Variants in GRIP2 observed in about 807,000 individuals in gnomAD.
The protein encoded by GRIP2 is glutamate receptor-interacting protein 2.
GRIP2 carries 58 observed loss-of-function variants against 108.3 expected under a neutral mutation model. That is an observed-to-expected ratio of 0.54 (90% CI 0.43 to 0.67). The LOEUF is 0.67. Among genes scored for constraint, GRIP2 ranks in the 30% least tolerant of loss-of-function variants. The probability of loss-of-function intolerance (pLI) is 0.00; values close to 1 mark genes in which losing one functional copy is unlikely to be tolerated. For synonymous variants in GRIP2, 586 were observed against 598.2 expected, an observed-to-expected ratio of 0.98 and a Z score of 0.30; for missense variants, 1,278 against 1,430.6, an observed-to-expected ratio of 0.89 and a Z score of 1.72.
intron 3 of GRIP2, 145 bp from the exon 4 acceptor site, chr3:14,524,683 A>C (rs1694506586): frequency 2.2e-6 from 2 of 925,772 alleles, no homozygotes; most frequent in Non-Finnish European, 3.2e-6. Flanking sequence ...GAGGTCAGAC[A>C]GTTGTCCAGG....
chr3:14,524,529 C>T lies in GRIP2; in HGVS notation c.267G>A (p.Leu89=), dbSNP rs754676350. ...ACCGAATATAGTCACCAATGTTCAG[C>T]AGATCACTCCTAGAGCAGGAAGGCC... ...RPGGLAARSD[L]LNIGDYIRSV... Residue 89 remains leucine (L), a synonymous_variant, in exon 4 of 24, where the codon CTG becomes CTA. Coordinates refer to ENST00000621039, the MANE Select transcript of GRIP2 (RefSeq NM_001080423.4). The T allele has an allele frequency of 6.4e-7, 1 of 1,552,758 alleles. No individual in the cohort carries two copies. The highest frequency in any genetic ancestry group is 1.2e-5 in the South Asian group (1 of 84,094).
the GRIP2 span, among the ~76,000 whole-genome samples, chr3:14,597,198 A>C: frequency 6.6e-6 from 1 of 152,218 alleles, no homozygotes; most frequent in Non-Finnish European, 1.5e-5. Flanking sequence ...GGAGCATAAT[A>C]AGCAATGTGT....
chr3:14,506,022 T>G (rs544001677), intron 19 of GRIP2, among the ~76,000 whole-genome samples: 69 of 152,308 alleles, frequency 4.5e-4, no homozygotes, highest in African/African-American at 1.6e-3. Context: ...GGCCTGGGCT[T>G]GGCCATCACC....
At chr3:14,584,865 G>T in the GRIP2 span, among the ~76,000 whole-genome samples, 3 of 152,206 alleles carry the variant, frequency 2.0e-5, no homozygotes, top group African/African-American at 7.2e-5. Flanking sequence ...CGCTGCCTCT[G>T]CCTCCCTACA....
chr3:14,554,379 C>T (rs1376336970), intron 1 of GRIP2, among the ~76,000 whole-genome samples: 1 of 152,192 alleles, frequency 6.6e-6, no homozygotes, highest in East Asian at 1.9e-4. Context: ...TTCATCTGTC[C>T]CTCCAGCCTG....
At position 14,511,265 on chromosome 3, in the gene GRIP2, A is replaced by G. The variant is rs371871359; in HGVS notation, c.1833T>C (p.Asn611=). ...CCATGGGGCAGTTGTCCAGGCGGAT[A>G]TTGTCAATGGCCAGTAGCTTGTCGC... is the stretch of plus-strand genomic sequence containing the variant. The part of the protein sequence containing the change: ...EPGDKLLAID[N]IRLDNCPMED... The change falls in exon 16 of 24, where the codon AAT becomes AAC. Residue 611 remains asparagine, a synonymous_variant. Coordinates refer to ENST00000621039, the MANE Select transcript of GRIP2 (RefSeq NM_001080423.4). This position sits in a 1 kb window ranked among gnomAD's most constrained non-coding sequence, Gnocchi z 4.1. 1.2e-6 allele frequency: 2 copies of G among 1,613,888 alleles called. No homozygotes were observed. Among genetic ancestry groups the G allele is most frequent in the Admixed American group, 1.7e-5 (1 of 60,020 alleles).
the GRIP2 span, chr3:14,574,126 C>T: frequency 8.9e-6 from 9 of 1,008,914 alleles, no homozygotes; most frequent in African/African-American, 7.9e-5. Context: ...TGTGAGAAGT[C>T]CACGGGCACG....
chr3:14,520,417 C>T lies in GRIP2; in HGVS notation c.833G>A (p.Arg278His), dbSNP rs745456325. ...GTCCACCACGCTGGCTGGCTTGATG[C>T]GGTCGATGGTAATGACTGACTTGTT... ...LRNKSVITIDRIKPASVVDRS... is the reference protein window; with the variant it reads ...LRNKSVITIDHIKPASVVDRS... The change falls in exon 8 of 24, where the codon CGC (arginine) becomes CAC (histidine). Residue 278 changes from arginine (R) to histidine (H), a missense_variant. Physicochemically the swap from Arg to His is conservative, Grantham distance 29. Coordinates refer to ENST00000621039, the MANE Select transcript of GRIP2 (RefSeq NM_001080423.4). The T allele has an allele frequency of 7.4e-6, 12 of 1,612,612 alleles. No homozygotes were observed. Among genetic ancestry groups the T allele is most frequent in the South Asian group, 1.1e-5 (1 of 90,748 alleles).
the GRIP2 span, among the ~76,000 whole-genome samples, chr3:14,585,313 G>A: frequency 3.9e-5 from 6 of 152,324 alleles, no homozygotes; most frequent in East Asian, 3.9e-4. Context: ...GAGCCACCAC[G>A]CCTGGCCATA....
chr3:14,555,088 C>T (rs535344795), intron 1 of GRIP2, among the ~76,000 whole-genome samples: 11 of 152,270 alleles, frequency 7.2e-5, no homozygotes, highest in African/African-American at 2.4e-4. Flanking sequence ...TCCCCACCCC[C>T]ACTCCAATCT....
At position 14,511,707 on chromosome 3, in the gene GRIP2, G is replaced by C. The variant is rs1340053606; in HGVS notation, c.1721-228C>G. On this transcript the variant is annotated intron_variant, in intron 14 of 23. Coordinates refer to ENST00000621039, the MANE Select transcript of GRIP2 (RefSeq NM_001080423.4). The surrounding 1 kb of genome is among the most constrained non-coding windows in gnomAD (Gnocchi z 4.1). ...CAGACCTCATGGGGATGTGGTGAGA[G>C]TAAACCAGATAACACAGGCACAAGA... is the stretch of plus-strand genomic sequence containing the variant. Among the ~76,000 whole-genome samples, 1 of 152,232 alleles carries C rather than the reference G, an allele frequency of 6.6e-6. No individual in the cohort carries two copies. Among genetic ancestry groups the C allele is most frequent in the African/African-American group, 2.4e-5 (1 of 41,462 alleles).
At chr3:14,588,031 C>G in the GRIP2 span, among the ~76,000 whole-genome samples, 1 of 152,190 alleles carries the variant, frequency 6.6e-6, no homozygotes, top group Non-Finnish European at 1.5e-5. Flanking sequence ...ACAAATTAAA[C>G]TGTGATAGAA....
At chr3:14,532,400 A>G (rs941813706) in intron 1 of GRIP2, among the ~76,000 whole-genome samples, 2 of 151,936 alleles carry the variant, frequency 1.3e-5, no homozygotes, top group Non-Finnish European at 2.9e-5. Context: ...GGCTCAGTCT[A>G]CGGGAGGTTT....
At chr3:14,554,622 C>T (rs1695205212) in intron 1 of GRIP2, among the ~76,000 whole-genome samples, 1 of 152,130 alleles carries the variant, frequency 6.6e-6, no homozygotes, top group Admixed American at 6.5e-5. Flanking sequence ...CAGTGAAGGA[C>T]CTAGAGCCCT....
At chr3:14,567,965 A>G in the GRIP2 span, among the ~76,000 whole-genome samples, 45 of 152,348 alleles carry the variant, frequency 3.0e-4, no homozygotes, top group African/African-American at 1.1e-3. Flanking sequence ...AACCATGCAG[A>G]TTGCTGAGCC....
the GRIP2 span, among the ~76,000 whole-genome samples, chr3:14,584,486 C>G: frequency 1.3e-5 from 2 of 152,168 alleles, no homozygotes; most frequent in African/African-American, 2.4e-5. Flanking sequence ...GCCTCAGTTT[C>G]CTCCTCTGTA....
the GRIP2 span, among the ~76,000 whole-genome samples, chr3:14,571,748 G>A: frequency 2.0e-5 from 3 of 152,166 alleles, no homozygotes; most frequent in East Asian, 3.8e-4. Flanking sequence ...CCTCATTCGG[G>A]GGACTCTGAC....
chr3:14,567,752 T>C, the GRIP2 span, among the ~76,000 whole-genome samples: 18 of 152,240 alleles, frequency 1.2e-4, no homozygotes, highest in Admixed American at 3.3e-4. Context: ...GCAGCTCTTA[T>C]GCTCCAGCAG....
At chr3:14,569,733 T>C in the GRIP2 span, among the ~76,000 whole-genome samples, 1 of 152,150 alleles carries the variant, frequency 6.6e-6, no homozygotes, top group African/African-American at 2.4e-5. Flanking sequence ...CCTCAGCCTC[T>C]GCGCTACACC....
Sources: gnomAD v4.1 joint callset for allele counts (sites outside exome capture counted in the v4.1 genomes callset) on GRCh38, gnomAD v4.1.1 for gene constraint, Gnocchi (gnomAD v3.1) non-coding constraint, MANE v1.5 for transcripts, NCBI Gene and HGNC (gene_info 2026-07-23, HGNC 2026-07-21) for gene names.